Variants in OSBPL10 observed in about 807,000 individuals in gnomAD.
The protein encoded by OSBPL10 is oxysterol-binding protein-related protein 10.
Under a neutral mutation model 81.7 loss-of-function variants are expected in OSBPL10, and 49 were observed. The ratio of observed to expected loss-of-function variants is 0.60; its 90% CI spans 0.48 to 0.76. The LOEUF is 0.76. Among genes scored for constraint, OSBPL10 ranks in the 30% least tolerant of loss-of-function variants. OSBPL10 has a pLI of 0.00. For synonymous variants in OSBPL10, 419 were observed against 383.6 expected (o/e 1.09, Z -1.08); for missense variants, 923 against 987.8 (o/e 0.93, Z 0.88).
Position 31,702,268 on chromosome 3 carries a change from C to A in OSBPL10, c.1245+91G>T. On this transcript the variant is annotated intron_variant, in intron 7 of 11. Transcript: ENST00000396556. ...TCCCCACTCTTCTTCTCCAATCTCA[C>A]CACAACGAAAAGAATGTGCATAGAG... 2.1e-6 allele frequency: 3 copies of A among 1,456,424 alleles called. No homozygotes were observed. In the Admixed American group the frequency reaches 6.2e-5, roughly 30 times the overall value. The allele number at this position is 1,456,424 out of a possible 1,614,324, so 90.2% of individuals were successfully genotyped here. A position where few individuals can be genotyped will look rare whatever the true frequency, so the allele number is the denominator to read the frequency against.
chr3:31,936,411 T>C (rs1697381240), intron 1 of OSBPL10, among the ~76,000 whole-genome samples: 1 of 152,238 alleles, frequency 6.6e-6, no homozygotes, highest in African/African-American at 2.4e-5. Flanking sequence ...CTAGTATTAC[T>C]TCCAAGAATA....
intron 2 of OSBPL10, among the ~76,000 whole-genome samples, chr3:32,011,739 A>G (rs1699262038): frequency 6.6e-6 from 1 of 152,224 alleles, no homozygotes; most frequent in African/African-American, 2.4e-5. Context: ...CAATGCAGAG[A>G]AGTCCTTAAA....
chr3:31,751,901 G>T (rs12629588), intron 4 of OSBPL10, among the ~76,000 whole-genome samples: 42,182 of 152,066 alleles, frequency 0.28, 7,326 homozygotes, highest in East Asian at 0.59. Context: ...TCTAGCCTTG[G>T]AGCTGTGCAT....
intron 1 of OSBPL10, among the ~76,000 whole-genome samples, chr3:31,923,064 C>T (rs1425597159): frequency 5.3e-5 from 8 of 152,114 alleles, no homozygotes; most frequent in African/African-American, 1.9e-4. Flanking sequence ...AAAGAAAGAA[C>T]AAGGGGCAAG....
chr3:32,031,382 G>A (rs79286436), intron 2 of OSBPL10, among the ~76,000 whole-genome samples: 6 of 151,948 alleles, frequency 3.9e-5, no homozygotes, highest in African/African-American at 1.4e-4. Context: ...TTAAAGATGT[G>A]ATTTGAATCA....
At chr3:31,688,626 T>C (rs1700860161) in intron 7 of OSBPL10, among the ~76,000 whole-genome samples, 1 of 152,162 alleles carries the variant, frequency 6.6e-6, no homozygotes, top group African/African-American at 2.4e-5. Flanking sequence ...CTTTGACATG[T>C]TTAAGTTACC....
intron 6 of OSBPL10, chr3:31,705,117 C>T (rs1414949872): frequency 1.3e-5 from 2 of 152,272 alleles, no homozygotes; most frequent in Non-Finnish European, 1.5e-5. Context: ...GAGCCTGGCA[C>T]ACTGCCCCTT....
chr3:31,849,497 T>G (rs946396990), intron 3 of OSBPL10, among the ~76,000 whole-genome samples: 2 of 152,168 alleles, frequency 1.3e-5, no homozygotes, highest in African/African-American at 2.4e-5. Context: ...CTGTGTGTTT[T>G]AGAGATAATT....
intron 4 of OSBPL10, among the ~76,000 whole-genome samples, chr3:31,799,902 T>G (rs1699336176): frequency 6.6e-6 from 1 of 152,152 alleles, no homozygotes; most frequent in Admixed American, 6.5e-5. Context: ...AGAGATGGTA[T>G]TTCACCAATA....
At chr3:31,676,984 T>C (rs1299567804) in intron 8 of OSBPL10, among the ~76,000 whole-genome samples, 1 of 152,170 alleles carries the variant, frequency 6.6e-6, no homozygotes, top group Non-Finnish European at 1.5e-5. Flanking sequence ...AAGCACTTCA[T>C]AATAGCATTT....
chr3:31,871,876 A>G (rs1701336234), intron 3 of OSBPL10, among the ~76,000 whole-genome samples: 1 of 152,184 alleles, frequency 6.6e-6, no homozygotes, highest in Admixed American at 6.5e-5. Flanking sequence ...ACACACACAC[A>G]CATGCACACG....
chr3:31,719,319 T>C (rs1696558689), intron 6 of OSBPL10, among the ~76,000 whole-genome samples: 1 of 152,196 alleles, frequency 6.6e-6, no homozygotes, highest in African/African-American at 2.4e-5. Context: ...TTACTCCACA[T>C]TATTAAAAAT....
rs1264616110 is a variant in OSBPL10, at chr3:31,670,985, T to G, written c.1727-2A>C. ...CGTGTTCCAGGAGCCTCAACACACCTCCAGGGAGAGAGGAGGGAGAGTTAG... is the reference window on the plus strand; with the variant it reads ...CGTGTTCCAGGAGCCTCAACACACCGCCAGGGAGAGAGGAGGGAGAGTTAG... On this transcript the variant is annotated splice_acceptor_variant, in intron 8 of 11. Coordinates refer to ENST00000396556, the MANE Select transcript of OSBPL10 (RefSeq NM_017784.5). LOFTEE classifies it high-confidence loss of function. 6.2e-7 allele frequency: 1 copy of G among 1,605,196 alleles called. No homozygotes were observed. The highest frequency in any genetic ancestry group is 8.5e-7 in the Non-Finnish European group (1 of 1,175,014).
chr3:31,769,450 A>AAAAAAC (rs1698298409), intron 4 of OSBPL10, among the ~76,000 whole-genome samples: 2 of 84,796 alleles, frequency 2.4e-5, no homozygotes, highest in African/African-American at 9.7e-5. Flanking sequence ...CATCTCAAAA[A>AAAAAAC]AAAAAAAACA....
chr3:31,854,427 G>C (rs973161078), intron 3 of OSBPL10, among the ~76,000 whole-genome samples: 2 of 152,062 alleles, frequency 1.3e-5, no homozygotes, highest in Non-Finnish European at 2.9e-5. Flanking sequence ...TCTCAGCTAA[G>C]ACAATAGCAA....
chr3:32,066,536 C>T (rs916898843), intron 1 of OSBPL10: 1 of 152,196 alleles, frequency 6.6e-6, no homozygotes, highest in Non-Finnish European at 1.5e-5. Flanking sequence ...CCTGTACCAC[C>T]TCCATTAGAA....
intron 11 of OSBPL10, chr3:31,663,402 G>A (rs1700113541): frequency 1.0e-6 from 1 of 986,728 alleles, no homozygotes; most frequent in Non-Finnish European, 1.2e-6. Context: ...TAAGACGTGT[G>A]GCTCCTACAT....
At chr3:31,989,146 C>A (rs1415876558) in intron 2 of OSBPL10, 1 of 1,613,996 alleles carries the variant, frequency 6.2e-7, no homozygotes, top group Admixed American at 1.7e-5. Context: ...TCCTCAGGGA[C>A]ACTTGACTTT....
At chr3:31,778,796 A>C (rs577127293) in intron 4 of OSBPL10, among the ~76,000 whole-genome samples, 1 of 152,326 alleles carries the variant, frequency 6.6e-6, no homozygotes, top group Admixed American at 6.5e-5. Context: ...AAAGGAAAGA[A>C]TCTTAACAGC....
Sources: gnomAD v4.1 joint callset for allele counts (sites outside exome capture counted in the v4.1 genomes callset) on GRCh38, gnomAD v4.1.1 for gene constraint, MANE v1.5 for transcripts, NCBI Gene and HGNC (gene_info 2026-07-23, HGNC 2026-07-21) for gene names.